Variants in ATXN2 observed in about 807,000 individuals in gnomAD.
ATXN2 encodes the protein ataxin-2.
A neutral mutation model predicts 138.6 loss-of-function variants in ATXN2; 37 were observed. The observed-to-expected ratio is 0.27, with a 90% CI of 0.21 to 0.35. The LOEUF (loss-of-function observed/expected upper bound fraction) is 0.35, where lower values mean the gene tolerates loss of function less well. Ranked by LOEUF, ATXN2 falls within the 10% of genes least tolerant of loss-of-function variation. ATXN2 has a pLI of 1.00. For missense variants in ATXN2, 1,216 were observed against 1,480.3 expected (o/e 0.82, Z 2.93); for synonymous variants, 549 against 543.7 (o/e 1.01, Z -0.13).
intron 18 of ATXN2, among the ~76,000 whole-genome samples, chr12:111,483,194 TACACACACACACACACACAC>T (rs59840296): frequency 3.1e-5 from 3 of 95,422 alleles, no homozygotes; most frequent in South Asian, 5.7e-4. Flanking sequence ...ATCAAACACA[TACACACACACACACACACAC>T]ACACACACAC....
At chr12:111,594,764 G>A (rs1294120595) in intron 1 of ATXN2, among the ~76,000 whole-genome samples, 1 of 152,052 alleles carries the variant, frequency 6.6e-6, no homozygotes, top group Non-Finnish European at 1.5e-5. Flanking sequence ...AAAATAACTT[G>A]GTCATAGGCT....
At chr12:111,518,790 G>A (rs181528077) in intron 8 of ATXN2, among the ~76,000 whole-genome samples, 1 of 151,916 alleles carries the variant, frequency 6.6e-6, no homozygotes, top group Non-Finnish European at 1.5e-5. Flanking sequence ...GCTGTTCTTT[G>A]GTTTTTCATG....
At chr12:111,508,321 A>G (rs1347316252) in intron 14 of ATXN2, among the ~76,000 whole-genome samples, 1 of 152,070 alleles carries the variant, frequency 6.6e-6, no homozygotes, top group Non-Finnish European at 1.5e-5. Flanking sequence ...GCAGATACAT[A>G]AGAGGAGTTT....
Position 111,552,680 on chromosome 12 carries a change from AACC to A in ATXN2, c.420+223_420+225del. ...TAATAATTTTTAAGAGGAAAAAACA[AACC>A]ACCACATCCCTCTATTAGCTCACAA... On this transcript the variant is annotated intron_variant, in intron 4 of 24. Transcript: ENST00000673436. The surrounding 1 kb of genome is among the most constrained non-coding windows in gnomAD (Gnocchi z 4.1). 2 of 551,644 alleles carry A rather than the reference AACC, an allele frequency of 3.6e-6. No homozygotes were observed. Among genetic ancestry groups the A allele is most frequent in the South Asian group, 3.0e-5 (1 of 32,884 alleles). The allele number at this position is 551,644 out of a possible 1,614,324, so 34.2% of individuals were successfully genotyped here.
intron 5 of ATXN2, among the ~76,000 whole-genome samples, chr12:111,548,405 G>A (rs1881948453): frequency 6.6e-6 from 1 of 152,176 alleles, no homozygotes; most frequent in Non-Finnish European, 1.5e-5. Context: ...AACAACTTGT[G>A]ATGATTATGT....
At chr12:111,547,869 CTTTA>C (rs1424842922) in intron 5 of ATXN2, among the ~76,000 whole-genome samples, 3 of 46,170 alleles carry the variant, frequency 6.5e-5, no homozygotes, top group Non-Finnish European at 1.3e-4. Context: ...TTACTTTTAG[CTTTA>C]TTTGTGGAGA....
chr12:111,554,138 C>A lies in ATXN2; in HGVS notation c.348+20G>T. 6.9e-7 allele frequency: 1 copy of A among 1,443,132 alleles called. No individual in the cohort carries two copies. The highest frequency in any genetic ancestry group is 1.3e-5 in the South Asian group (1 of 74,098). 89.4% of individuals were successfully genotyped at this position (1,443,132 alleles called of 1,614,324 possible). A position where few individuals can be genotyped will look rare whatever the true frequency, so the allele number is the denominator to read the frequency against. ...ATTCTACCCCCAAGGCAGTTTATCC[C>A]CAATAATCTAATAACTTACAACAAC... is the stretch of plus-strand genomic sequence containing the variant. On this transcript the variant is annotated intron_variant, in intron 3 of 24. Transcript: ENST00000673436.
chr12:111,542,597 G>A (rs1881580995), intron 5 of ATXN2, among the ~76,000 whole-genome samples: 1 of 152,174 alleles, frequency 6.6e-6, no homozygotes, highest in Non-Finnish European at 1.5e-5. Context: ...CCACCAAGTA[G>A]CTGGGTTTAC....
At chr12:111,582,478 T>C (rs1884063914) in intron 1 of ATXN2, among the ~76,000 whole-genome samples, 1 of 150,774 alleles carries the variant, frequency 6.6e-6, no homozygotes, top group Non-Finnish European at 1.5e-5. Flanking sequence ...TGATGTTGCA[T>C]GTGCCTGTGG....
intron 18 of ATXN2, among the ~76,000 whole-genome samples, chr12:111,475,260 C>A (rs1376445724): frequency 6.8e-6 from 1 of 146,622 alleles, no homozygotes; most frequent in African/African-American, 2.6e-5. Context: ...AGGAGAATTG[C>A]TTGAACCCCA....
At chr12:111,588,698 A>AATAC (rs756452432) in intron 1 of ATXN2, among the ~76,000 whole-genome samples, 16 of 152,052 alleles carry the variant, frequency 1.1e-4, no homozygotes, top group Non-Finnish European at 2.1e-4. Context: ...TCATAAAAAA[A>AATAC]ATACCAAACC....
At chr12:111,461,511 T>C (rs1424270366) in intron 21 of ATXN2, among the ~76,000 whole-genome samples, 1 of 151,464 alleles carries the variant, frequency 6.6e-6, no homozygotes, top group Non-Finnish European at 1.5e-5. Flanking sequence ...ATAATAATAA[T>C]AAATTGGGAG....
At position 111,488,599 on chromosome 12, in the gene ATXN2, G is replaced by A. The variant is rs550075113; in HGVS notation, c.2117C>T (p.Pro706Leu). 6.2e-7 allele frequency: 1 copy of A among 1,614,172 alleles called. No individual in the cohort carries two copies. The highest frequency in any genetic ancestry group is 2.2e-5 in the East Asian group (1 of 44,886). The change falls in exon 15 of 25, where the codon CCT becomes CTT. Residue 706 changes from proline to leucine, a missense_variant. Physicochemically the swap from Pro to Leu is moderately conservative, Grantham distance 98. Coordinates refer to ENST00000673436, the MANE Select transcript of ATXN2 (RefSeq NM_001372574.1). ...GTGCTCCGTGTTACTAAGTATTGAA[G>A]GGGAAATGCTGGGGCTATTCGGCTT... ...SSKPNSPSISPSILSNTEHKR... is the reference protein window; with the variant it reads ...SSKPNSPSISLSILSNTEHKR...
intron 5 of ATXN2, among the ~76,000 whole-genome samples, chr12:111,526,287 T>C (rs1592863196): frequency 6.7e-6 from 1 of 149,232 alleles, no homozygotes; most frequent in Admixed American, 6.7e-5. Context: ...ACCCGGGAGG[T>C]GGAGGTTGCA....
chr12:111,466,644 T>TA (rs1876048609), intron 20 of ATXN2, among the ~76,000 whole-genome samples: 1 of 152,230 alleles, frequency 6.6e-6, no homozygotes, highest in South Asian at 2.1e-4. Flanking sequence ...AGCATATGTG[T>TA]ATTAAACATA....
chr12:111,453,219 T>A lies in ATXN2; in HGVS notation c.3440-379A>T. 2 of 1,082,086 alleles carry A rather than the reference T, an allele frequency of 1.8e-6. No homozygotes were observed. Among genetic ancestry groups the A allele is most frequent in the Non-Finnish European group, 2.2e-6 (2 of 891,920 alleles). The allele number at this position is 1,082,086 out of a possible 1,614,324, so 67.0% of individuals were successfully genotyped here. ...AGCACAATCACAGGGCGCTCTCCCC[T>A]GTTCAGGGGCTGGGGCTAACGCTAC... On this transcript the variant is annotated intron_variant, in intron 24 of 24. Coordinates refer to ENST00000673436, the MANE Select transcript of ATXN2 (RefSeq NM_001372574.1). The surrounding 1 kb of genome is among the most constrained non-coding windows in gnomAD (Gnocchi z 5.4).
At chr12:111,463,673 A>ATG (rs1483123780) in intron 21 of ATXN2, among the ~76,000 whole-genome samples, 1 of 152,182 alleles carries the variant, frequency 6.6e-6, no homozygotes, top group Non-Finnish European at 1.5e-5. Flanking sequence ...TGAAGGAGCA[A>ATG]CTATTTCTGT....
Position 111,452,518 on chromosome 12 carries a change from G to A in ATXN2, c.*294C>T. 3.2e-6 allele frequency: 1 copy of A among 312,028 alleles called. No individual in the cohort carries two copies. The highest frequency in any genetic ancestry group is 5.9e-6 in the Non-Finnish European group (1 of 168,546). 19.3% of individuals were successfully genotyped at this position (312,028 alleles called of 1,614,324 possible). ...TAGCTGATGTGTTCATGACTTTCAA[G>A]GGTTATTAAAAAATAAATAACTTCC... On this transcript the variant is annotated 3_prime_UTR_variant, in exon 25 of 25. Transcript: ENST00000673436.
intron 14 of ATXN2, among the ~76,000 whole-genome samples, chr12:111,495,269 T>C (rs982045481): frequency 1.9e-4 from 28 of 149,146 alleles, no homozygotes; most frequent in Non-Finnish European, 3.8e-4. Flanking sequence ...GATAGCGCCA[T>C]TGCCCTCCAG....
Sources: gnomAD v4.1 joint callset for allele counts (sites outside exome capture counted in the v4.1 genomes callset) on GRCh38, gnomAD v4.1.1 for gene constraint, Gnocchi (gnomAD v3.1) non-coding constraint, MANE v1.5 for transcripts, NCBI Gene and HGNC (gene_info 2026-07-23, HGNC 2026-07-21) for gene names.